MAOB: variants seen among roughly 807,000 people sequenced by gnomAD.
The protein encoded by MAOB is monoamine oxidase B.
In MAOB, 15 loss-of-function variants were observed where a neutral mutation model predicts 41.9. The ratio of observed to expected loss-of-function variants is 0.36; its 90% CI spans 0.24 to 0.55. The LOEUF (loss-of-function observed/expected upper bound fraction) is 0.55, where lower values mean the gene tolerates loss of function less well. MAOB is among the 20% of genes least tolerant of loss of function. MAOB has a pLI of 0.86. For synonymous variants in MAOB, 167 were observed against 144.2 expected (o/e 1.16, Z -1.13); for missense variants, 345 against 398.7 (o/e 0.87, Z 1.15).
intron 6 of MAOB, 122 bp downstream of exon 6, chrX:43,797,003 T>G: frequency 1.4e-6 from 1 of 698,306 alleles, no homozygotes; most frequent in Non-Finnish European, 2.1e-6. Flanking sequence ...TGAGCTGCCA[T>G]GGTAATGCTC....
intron 3 of MAOB, 82 bp downstream of exon 3, chrX:43,838,786 C>A (rs1330409475): frequency 2.1e-6 from 2 of 949,496 alleles, no homozygotes; most frequent in South Asian, 3.4e-5. Flanking sequence ...ATAGAAGATT[C>A]TCTGAGAGAA....
At chrX:43,843,354 GTCTCACACAC>G (rs2147165868) in intron 2 of MAOB, among the ~76,000 whole-genome samples, 1 of 45,993 alleles carries the variant, frequency 2.2e-5, no homozygotes, top group African/African-American at 9.3e-5. Flanking sequence ...TTCTCTCTCT[GTCTCACACAC>G]ACACACACAC....
intron 3 of MAOB, among the ~76,000 whole-genome samples, chrX:43,817,274 C>A (rs2147148724): frequency 9.1e-6 from 1 of 110,153 alleles, no homozygotes; most frequent in Non-Finnish European, 1.9e-5. Flanking sequence ...TACTGCTAGA[C>A]AATAATAATC....
At chrX:43,790,079 TACTG>T (rs965819688) in intron 8 of MAOB, among the ~76,000 whole-genome samples, 1 of 111,667 alleles carries the variant, frequency 9.0e-6, no homozygotes, top group Non-Finnish European at 1.9e-5. Context: ...CTCTGGTGAT[TACTG>T]ACTGTGTGCC....
In MAOB at chrX:43,853,278, AAAAAAAAAAAAG is replaced by A. The variant is rs1373645238; in HGVS notation, c.47-9526_47-9515del. Among the ~76,000 whole-genome samples, 25 of 108,710 alleles carry A rather than the reference AAAAAAAAAAAAG, an allele frequency of 2.3e-4. No homozygotes were observed. In the East Asian group the frequency reaches 7.2e-3, roughly 31 times the overall value. The allele number at this position is 108,710 out of a possible 115,157, so 94.4% of individuals were successfully genotyped here. On this transcript the variant is annotated intron_variant, in intron 1 of 14. Transcript: ENST00000378069. Reference sequence around the variant, plus strand: ...GCGAGAGTCCGTCTCAAAAAAAAAAAAAAAAAAAAAAGAAAAGAAAACGATGAAATGAGAAGG... The same window carrying A: ...GCGAGAGTCCGTCTCAAAAAAAAAAAAAAAGAAAACGATGAAATGAGAAGG...
chrX:43,786,543 G>A (rs1601972560), intron 8 of MAOB, among the ~76,000 whole-genome samples: 1 of 111,913 alleles, frequency 8.9e-6, no homozygotes, highest in Middle Eastern at 4.6e-3. Flanking sequence ...TGTTGAGAAA[G>A]TCTGAAGTAT....
intron 10 of MAOB, among the ~76,000 whole-genome samples, chrX:43,780,045 C>T (rs973655348): frequency 2.8e-4 from 31 of 111,396 alleles, no homozygotes; most frequent in African/African-American, 9.5e-4. Flanking sequence ...TCATATTCTC[C>T]GTAGCCCCTA....
chrX:43,820,834 C>G (rs1442754207), intron 3 of MAOB, among the ~76,000 whole-genome samples: 1 of 112,300 alleles, frequency 8.9e-6, no homozygotes. Context: ...TAGATATTGA[C>G]TAATATCATC....
At chrX:43,852,167 C>G (rs1462893164) in intron 1 of MAOB, among the ~76,000 whole-genome samples, 1 of 111,885 alleles carries the variant, frequency 8.9e-6, no homozygotes, top group Non-Finnish European at 1.9e-5. Flanking sequence ...CCCTTTCAGT[C>G]TGTGATCAAC....
At chrX:43,775,617 T>C (rs2034245787) in intron 11 of MAOB, among the ~76,000 whole-genome samples, 1 of 111,904 alleles carries the variant, frequency 8.9e-6, no homozygotes, top group South Asian at 3.7e-4. Context: ...AGGATTTATG[T>C]TTACTGGAGT....
chrX:43,787,602 C>T (rs1190483530), intron 8 of MAOB, among the ~76,000 whole-genome samples: 5 of 111,289 alleles, frequency 4.5e-5, no homozygotes, highest in East Asian at 2.8e-4. Context: ...ATAGTTACAA[C>T]GATATAATTT....
intron 1 of MAOB, among the ~76,000 whole-genome samples, chrX:43,860,659 AC>A (rs1339674063): frequency 9.0e-6 from 1 of 111,619 alleles, no homozygotes; most frequent in African/African-American, 3.3e-5. Context: ...ATCTTTCAAA[AC>A]AAAATCCAAC....
intron 1 of MAOB, among the ~76,000 whole-genome samples, chrX:43,849,806 G>A (rs2035236791): frequency 8.9e-6 from 1 of 112,630 alleles, no homozygotes; most frequent in Admixed American, 9.4e-5. Context: ...TTTGATTACT[G>A]AGTAAATAAA....
rs1428823353 is a variant in MAOB, at chrX:43,797,172, G to C, written c.571C>G (p.Gln191Glu). The part of the protein sequence containing the change: ...SALWFLWYVK[Q>E]CGGTTRIIST... ...ATGATTCTTGTTGTGCCTCCACACT[G>C]CTTCACATACCACAGGAACCAGAGA... The change falls in exon 6 of 15, where the codon CAG (glutamine) becomes GAG (glutamate). Residue 191 changes from glutamine (Q) to glutamate (E), a missense_variant. Gln to Glu is a conservative substitution (Grantham distance 29, BLOSUM62 2). Transcript: ENST00000378069. The C allele has an allele frequency of 8.3e-7, 1 of 1,205,956 alleles. No individual in the cohort carries two copies. Among genetic ancestry groups the C allele is most frequent in the Admixed American group, 2.2e-5 (1 of 45,617 alleles).
intron 8 of MAOB, among the ~76,000 whole-genome samples, chrX:43,790,727 G>T (rs2034453470): frequency 9.1e-6 from 1 of 110,279 alleles, no homozygotes; most frequent in Non-Finnish European, 1.9e-5. Flanking sequence ...TACCACAGGT[G>T]TGCACCACTA....
At chrX:43,805,315 T>G (rs1477308152) in intron 3 of MAOB, among the ~76,000 whole-genome samples, 11 of 111,721 alleles carry the variant, frequency 9.8e-5, no homozygotes, top group Non-Finnish European at 2.1e-4. Flanking sequence ...TCCTCACAAA[T>G]GTACCCACAT....
At chrX:43,778,119 A>G (rs1290568602) in intron 11 of MAOB, among the ~76,000 whole-genome samples, 1 of 111,430 alleles carries the variant, frequency 9.0e-6, no homozygotes, top group Non-Finnish European at 1.9e-5. Flanking sequence ...ACAGACAGAC[A>G]GCCTGTCTTC....
At chrX:43,825,853 T>A (rs1194849176) in intron 3 of MAOB, among the ~76,000 whole-genome samples, 2 of 112,055 alleles carry the variant, frequency 1.8e-5, no homozygotes, top group African/African-American at 3.2e-5. Flanking sequence ...AAAGTCGCAT[T>A]TTTTTAAGTT....
chrX:43,846,296 C>T (rs918672125), intron 1 of MAOB, among the ~76,000 whole-genome samples: 2 of 111,819 alleles, frequency 1.8e-5, no homozygotes, highest in African/African-American at 6.5e-5. Context: ...CAAAAGGTAC[C>T]GTCTTTTAGT....
Sources: gnomAD v4.1 joint callset for allele counts (sites outside exome capture counted in the v4.1 genomes callset) on GRCh38, gnomAD v4.1.1 for gene constraint, MANE v1.5 for transcripts, NCBI Gene and HGNC (gene_info 2026-07-23, HGNC 2026-07-21) for gene names.